Variants in DMBT1 observed in about 807,000 individuals in gnomAD.
DMBT1 encodes the protein deleted in malignant brain tumors 1.
A neutral mutation model predicts 252.9 loss-of-function variants in DMBT1; 198 were observed. That is an observed-to-expected ratio of 0.78 (90% CI 0.70 to 0.88). The LOEUF is 0.88. Among genes scored for constraint, DMBT1 ranks in the 40% least tolerant of loss-of-function variants. The pLI is 0.00. For synonymous variants in DMBT1, 990 were observed against 942.7 expected (o/e 1.05, Z -0.92); for missense variants, 2,432 against 2,404.7 (o/e 1.01, Z -0.24).
chr10:122,622,106 A>G (rs181197244), intron 44 of DMBT1, among the ~76,000 whole-genome samples: 23 of 152,298 alleles, frequency 1.5e-4, no homozygotes, highest in Admixed American at 1.3e-3. Flanking sequence ...TTTTGGTTCA[A>G]TTGGACATCA....
At chr10:122,617,686 T>G (rs1246399376) in intron 40 of DMBT1, among the ~76,000 whole-genome samples, 1 of 151,588 alleles carries the variant, frequency 6.6e-6, no homozygotes, top group Non-Finnish European at 1.5e-5. Context: ...CACCAAACTC[T>G]TAAACATGGG....
chr10:122,599,780 C>T (rs910592324), intron 26 of DMBT1, among the ~76,000 whole-genome samples: 1 of 152,174 alleles, frequency 6.6e-6, no homozygotes, highest in South Asian at 2.1e-4. Context: ...CTTGCTGACT[C>T]AAGAATGCCT....
chr10:122,570,096 A>T (rs899048462), intron 2 of DMBT1, 66 bp from the exon 3 acceptor site: 1 of 1,413,304 alleles, frequency 7.1e-7, no homozygotes, highest in Admixed American at 1.7e-5. Flanking sequence ...GAGCTGAGGA[A>T]GCCAGGGACC....
chr10:122,639,732 T>C (rs17748935), intron 54 of DMBT1, among the ~76,000 whole-genome samples: 1,848 of 152,290 alleles, frequency 0.012, 16 homozygotes, highest in Middle Eastern at 0.041. Flanking sequence ...CTGTTGGCAC[T>C]GAAATATAAA....
rs768443975 is a variant in DMBT1, at chr10:122,599,109, A to G, written c.3280+12A>G. 4.3e-6 allele frequency: 7 copies of G among 1,613,728 alleles called. No individual in the cohort carries two copies. In the South Asian group the frequency reaches 4.4e-5, roughly 10 times the overall value. On this transcript the variant is annotated intron_variant, in intron 26 of 55. Transcript: ENST00000338354. The stretch of plus-strand genomic sequence containing the variant: ...TGTCATCTGCTCAGGTGGGCCTTCA[A>G]GAACTTGGGATCACTCTCTTGGGGT...
rs1357957874 is a variant in DMBT1, at chr10:122,630,199, A to G, written c.5823-89A>G. 1.1e-5 allele frequency: 15 copies of G among 1,417,486 alleles called. No homozygotes were observed. In the Admixed American group the frequency reaches 1.8e-4, roughly 17 times the overall value. 87.8% of individuals were successfully genotyped at this position (1,417,486 alleles called of 1,614,324 possible). Reference sequence around the variant, plus strand: ...GAGCTAGAAGAAAAACCTGTATTCAATGGCATCCCTCGTAAAGTGCAAACT... The same window carrying G: ...GAGCTAGAAGAAAAACCTGTATTCAGTGGCATCCCTCGTAAAGTGCAAACT... On this transcript the variant is annotated intron_variant, in intron 47 of 55. Transcript: ENST00000338354.
intron 46 of DMBT1, among the ~76,000 whole-genome samples, chr10:122,629,370 A>G (rs901124177): frequency 1.3e-5 from 2 of 152,022 alleles, no homozygotes; most frequent in African/African-American, 4.8e-5. Context: ...TGTTGCAGAA[A>G]CCCTGCTCCT....
intron 54 of DMBT1, among the ~76,000 whole-genome samples, chr10:122,637,861 T>C (rs1843746842): frequency 6.6e-6 from 1 of 152,224 alleles, no homozygotes; most frequent in Admixed American, 6.5e-5. Flanking sequence ...CTACCATTTG[T>C]TGAGCTATCA....
chr10:122,592,704 T>C, intron 20 of DMBT1, 109 bp downstream of exon 20: 1 of 1,518,768 alleles, frequency 6.6e-7, no homozygotes, highest in Admixed American at 1.8e-5. Flanking sequence ...ATGTTTCCTA[T>C]ATTTATGTAG....
intron 25 of DMBT1, 94 bp from the exon 26 acceptor site, chr10:122,598,679 CT>C: frequency 6.3e-7 from 1 of 1,590,554 alleles, no homozygotes; most frequent in Non-Finnish European, 8.6e-7. Context: ...GCCCAGGTGA[CT>C]TTAGCCATTA....
chr10:122,620,970 A>T (rs1020887538), intron 43 of DMBT1, 87 bp from the exon 44 acceptor site: 6 of 1,583,986 alleles, frequency 3.8e-6, no homozygotes, highest in Non-Finnish European at 5.1e-6. Flanking sequence ...GACTTTGGCC[A>T]TTAGGAAGTG....
Position 122,640,363 on chromosome 10 carries a change from T to G in DMBT1, c.7266T>G (p.Ala2422=), listed in dbSNP as rs771875433. Residue 2422 remains alanine, a synonymous_variant, in exon 55 of 56, where the codon GCT becomes GCG. Coordinates refer to ENST00000338354, the MANE Select transcript of DMBT1 (RefSeq NM_001377530.1). The part of the protein sequence containing the change: ...YVQAEILHSD[A]VLTLFVDTCV... ...AGGCTGAAATCCTCCATTCTGATGC[T>G]GTACTGACCTTGTTTGTGGACACCT... 3.7e-6 allele frequency: 6 copies of G among 1,613,966 alleles called. No homozygotes were observed. The highest frequency in any genetic ancestry group is 4.2e-6 in the Non-Finnish European group (5 of 1,179,914).
chr10:122,633,187 A>C lies in DMBT1; in HGVS notation c.6398-4A>C. On this transcript the variant is annotated splice_polypyrimidine_tract_variant and splice_region_variant and intron_variant, in intron 51 of 55. Coordinates refer to ENST00000338354, the MANE Select transcript of DMBT1 (RefSeq NM_001377530.1). ...ACCGACATTCCCACTTTTTGTCCTGACAGCAGATTATTCCTGCGGAGGCTT... is the reference window on the plus strand; with the variant it reads ...ACCGACATTCCCACTTTTTGTCCTGCCAGCAGATTATTCCTGCGGAGGCTT... 1 of 1,613,662 alleles carries C rather than the reference A, an allele frequency of 6.2e-7. No homozygotes were observed. The highest frequency in any genetic ancestry group is 8.5e-7 in the Non-Finnish European group (1 of 1,179,710).
chr10:122,626,933 G>T (rs967172171), intron 46 of DMBT1, among the ~76,000 whole-genome samples: 5 of 152,136 alleles, frequency 3.3e-5, no homozygotes, highest in Non-Finnish European at 7.4e-5. Flanking sequence ...TGCTTTGAAG[G>T]CCCTAGGGTG....
At position 122,591,734 on chromosome 10, in the gene DMBT1, A is replaced by C. The variant is rs180957335; in HGVS notation, c.2176+217A>C. ...CCTATCTCCTGTTGGACCGTGTTCCAAGTATCAGTAAAGATCCTCATTCAG... is the reference window on the plus strand; with the variant it reads ...CCTATCTCCTGTTGGACCGTGTTCCCAGTATCAGTAAAGATCCTCATTCAG... On this transcript the variant is annotated intron_variant, in intron 19 of 55. Coordinates refer to ENST00000338354, the MANE Select transcript of DMBT1 (RefSeq NM_001377530.1). Among the ~76,000 whole-genome samples the C allele has an allele frequency of 7.0e-3, 1,047 of 148,796 alleles. 53 individuals are homozygous for C. The highest frequency in any genetic ancestry group is 0.024 in the African/African-American group (1,001 of 41,192).
At position 122,630,204 on chromosome 10, in the gene DMBT1, A is replaced by G. The variant is rs953894547; in HGVS notation, c.5823-84A>G. ...AGAAGAAAAACCTGTATTCAATGGC[A>G]TCCCTCGTAAAGTGCAAACTATTTA... On this transcript the variant is annotated intron_variant, in intron 47 of 55. Transcript: ENST00000338354. The G allele has an allele frequency of 2.8e-6, 4 of 1,432,950 alleles. No homozygotes were observed. The African/African-American group carries it at 5.6e-5, about 20-fold the overall frequency. 88.8% of individuals were successfully genotyped at this position (1,432,950 alleles called of 1,614,324 possible).
At chr10:122,633,157 G>T in intron 51 of DMBT1, 34 bp from the exon 52 acceptor site, 1 of 1,611,600 alleles carries the variant, frequency 6.2e-7, no homozygotes, top group Non-Finnish European at 8.5e-7. Flanking sequence ...TGTGCTCTGG[G>T]GGTCACCGAC....
At chr10:122,572,276 G>C in intron 4 of DMBT1, 38 bp from the exon 5 acceptor site, 1 of 1,612,244 alleles carries the variant, frequency 6.2e-7, no homozygotes. Context: ...TCAAGCAAGG[G>C]CTACCATCAA....
At chr10:122,634,360 C>CTTTCTTTCTTTCTTTCTTTCTTTCTT (rs2098194182) in intron 52 of DMBT1, among the ~76,000 whole-genome samples, 6 of 105,722 alleles carry the variant, frequency 5.7e-5, no homozygotes, top group African/African-American at 2.4e-4. Context: ...TTCTTTCTTT[C>CTTTCTTTCTTTCTTTCTTTCTTTCTT]TTTCTTTCTT....
Sources: gnomAD v4.1 joint callset for allele counts (sites outside exome capture counted in the v4.1 genomes callset) on GRCh38, gnomAD v4.1.1 for gene constraint, MANE v1.5 for transcripts, NCBI Gene and HGNC (gene_info 2026-07-23, HGNC 2026-07-21) for gene names.